TMEM74: variants seen among roughly 807,000 people sequenced by gnomAD.
The protein encoded by TMEM74 is transmembrane protein 74.
A neutral mutation model predicts 18.1 loss-of-function variants in TMEM74; 13 were observed. The observed-to-expected ratio is 0.72, with a 90% CI of 0.47 to 1.14. The LOEUF (loss-of-function observed/expected upper bound fraction) is 1.14. Among genes scored for constraint, TMEM74 ranks in the 50% most tolerant of loss-of-function variants. The pLI is 0.00. For missense variants in TMEM74, 372 were observed against 375.9 expected, an observed-to-expected ratio of 0.99 and a Z score of 0.09; for synonymous variants, 159 against 146.6, an observed-to-expected ratio of 1.08 and a Z score of -0.61.
chr8:108,616,961 T>C (rs1812389870), intron 2 of TMEM74, among the ~76,000 whole-genome samples: 3 of 151,684 alleles, frequency 2.0e-5, no homozygotes, highest in Admixed American at 2.0e-4. Context: ...ACTGACTATA[T>C]ATTTATAGTC....
rs748036409 is a variant in TMEM74, at chr8:108,784,569, C to T, written c.530G>A (p.Gly177Asp). The T allele has an allele frequency of 3.7e-6, 6 of 1,614,132 alleles. No homozygotes were observed. Among genetic ancestry groups the T allele is most frequent in the Non-Finnish European group, 1.7e-6 (2 of 1,180,030 alleles). Reference protein sequence around the residue: ...ATSSGKSIDYGFISAILFLVT... With the variant: ...ATSSGKSIDYDFISAILFLVT... ...CAAGAACAAGATGGCGCTGATGAAA[C>T]CATAGTCTATAGACTTCCCTGAAGA... Residue 177 changes from glycine (G) to aspartate (D), a missense_variant, in exon 2 of 2, where the codon GGT (glycine) becomes GAT (aspartate). Coordinates refer to ENST00000297459, the MANE Select transcript of TMEM74 (RefSeq NM_153015.3).
At chr8:108,627,219 C>T (rs1344951464) in intron 2 of TMEM74, among the ~76,000 whole-genome samples, 2 of 151,960 alleles carry the variant, frequency 1.3e-5, no homozygotes, top group East Asian at 3.9e-4. Context: ...ATTGACCTCC[C>T]TCCTCCCACA....
intron 2 of TMEM74, among the ~76,000 whole-genome samples, chr8:108,618,433 G>C (rs201425661): frequency 6.6e-6 from 1 of 152,054 alleles, no homozygotes; most frequent in Non-Finnish European, 1.5e-5. Context: ...TTATTCCTCT[G>C]GTTCTCAGTT....
At position 108,756,650 on chromosome 8, in the gene TMEM74, G is replaced by GGA. The variant is rs1554577393; in HGVS notation, n.119+30825_119+30826insTC. Reference sequence around the variant, plus strand: ...AGGAAGGAAGGAAGGAAGAAAGAAAGAGAAAGAAAGAAAGAAAGAAAGAAA... The same window carrying GGA: ...AGGAAGGAAGGAAGGAAGAAAGAAAGGAAGAAAGAAAGAAAGAAAGAAAGAAA... On this transcript the variant is annotated intron_variant and non_coding_transcript_variant, in intron 1 of 3. Transcript: ENST00000518838. 3.0e-3 allele frequency among the ~76,000 whole-genome samples: 80 copies of GGA among 27,078 alleles called. 1 individual carries two copies. The highest frequency in any genetic ancestry group is 4.1e-3 in the African/African-American group (27 of 6,602). 17.8% of individuals were successfully genotyped at this position (27,078 alleles called of 152,430 possible). A position where few individuals can be genotyped will look rare whatever the true frequency, so the allele number is the denominator to read the frequency against.
At chr8:108,719,547 G>T (rs1158400044) in intron 1 of TMEM74, among the ~76,000 whole-genome samples, 2 of 152,024 alleles carry the variant, frequency 1.3e-5, no homozygotes, top group Non-Finnish European at 2.9e-5. Flanking sequence ...TTTTTCAGAT[G>T]TTTTTATTTC....
intron 1 of TMEM74, among the ~76,000 whole-genome samples, chr8:108,667,066 A>G (rs973874511): frequency 1.3e-5 from 2 of 152,140 alleles, no homozygotes; most frequent in Non-Finnish European, 2.9e-5. Context: ...GAGAGGTCTA[A>G]TTTCCCAACA....
chr8:108,714,105 C>G (rs1011192424), intron 1 of TMEM74, among the ~76,000 whole-genome samples: 1 of 152,198 alleles, frequency 6.6e-6, no homozygotes, highest in African/African-American at 2.4e-5. Context: ...CTGGTCCCCT[C>G]AGACTCACAT....
chr8:108,740,220 T>A (rs1224083831), intron 1 of TMEM74, among the ~76,000 whole-genome samples: 1 of 152,170 alleles, frequency 6.6e-6, no homozygotes, highest in Admixed American at 6.5e-5. Context: ...ACTCAGCTTT[T>A]TCCCAACAGT....
intron 2 of TMEM74, among the ~76,000 whole-genome samples, chr8:108,635,519 G>T (rs1812598541): frequency 1.3e-5 from 2 of 152,004 alleles, no homozygotes. Context: ...TATAGAAAAG[G>T]TCTTCAAATT....
intron 2 of TMEM74, among the ~76,000 whole-genome samples, chr8:108,634,139 C>T (rs1289798098): frequency 2.0e-5 from 3 of 151,812 alleles, no homozygotes; most frequent in Non-Finnish European, 4.4e-5. Context: ...ACAAAGCAGT[C>T]ACCTGGAGTG....
At chr8:108,657,756 T>C (rs1812849021) in intron 1 of TMEM74, among the ~76,000 whole-genome samples, 2 of 146,202 alleles carry the variant, frequency 1.4e-5, no homozygotes, top group African/African-American at 2.5e-5. Context: ...GGCAGGAGAA[T>C]AGCTTGAACC....
At chr8:108,617,066 G>A (rs1271006549) in intron 2 of TMEM74, among the ~76,000 whole-genome samples, 2 of 151,588 alleles carry the variant, frequency 1.3e-5, no homozygotes, top group Non-Finnish European at 2.9e-5. Flanking sequence ...ATCTATTCTC[G>A]GCATCTTGGA....
chr8:108,698,439 T>C (rs1813302563), intron 1 of TMEM74, among the ~76,000 whole-genome samples: 1 of 152,236 alleles, frequency 6.6e-6, no homozygotes, highest in African/African-American at 2.4e-5. Flanking sequence ...TTTCCTCAGC[T>C]GTAGAATGGA....
At chr8:108,740,730 T>A (rs904429014) in intron 1 of TMEM74, among the ~76,000 whole-genome samples, 5 of 152,218 alleles carry the variant, frequency 3.3e-5, no homozygotes, top group Admixed American at 6.5e-5. Context: ...CAGAAGGCTC[T>A]CGCTGCTGGG....
At chr8:108,717,112 G>T (rs970678168) in intron 1 of TMEM74, among the ~76,000 whole-genome samples, 2 of 151,598 alleles carry the variant, frequency 1.3e-5, no homozygotes, top group African/African-American at 4.8e-5. Flanking sequence ...CTGACAAAAT[G>T]AGCACAAAAA....
intron 1 of TMEM74, among the ~76,000 whole-genome samples, chr8:108,690,313 T>G (rs184438213): frequency 6.6e-6 from 1 of 152,314 alleles, no homozygotes; most frequent in East Asian, 1.9e-4. Flanking sequence ...TTAAAAAATT[T>G]ATCACTAAAG....
rs116562811 is a variant in TMEM74, at chr8:108,707,433, C to T, written n.120-51996G>A. ...AAATCACATTCTAAAAAACCAAACA[C>T]GCCAAAATTTTAGCAGTTGTTTTAA... On this transcript the variant is annotated intron_variant and non_coding_transcript_variant, in intron 1 of 3. Transcript: ENST00000518838. Among the ~76,000 whole-genome samples the T allele has an allele frequency of 5.1e-3, 769 of 152,158 alleles. 9 individuals are homozygous for T. The highest frequency in any genetic ancestry group is 0.018 in the African/African-American group (741 of 41,524).
intron 1 of TMEM74, among the ~76,000 whole-genome samples, chr8:108,686,035 T>C (rs1267906097): frequency 6.6e-6 from 1 of 152,142 alleles, no homozygotes; most frequent in East Asian, 1.9e-4. Flanking sequence ...TAAATAAATG[T>C]ATAAATTAAA....
chr8:108,682,635 A>G (rs912618967), intron 1 of TMEM74, among the ~76,000 whole-genome samples: 1 of 152,060 alleles, frequency 6.6e-6, no homozygotes, highest in African/African-American at 2.4e-5. Context: ...GTAGAGTTAG[A>G]CTAAAAGATT....
Sources: gnomAD v4.1 joint callset for allele counts (sites outside exome capture counted in the v4.1 genomes callset) on GRCh38, gnomAD v4.1.1 for gene constraint, MANE v1.5 for transcripts, NCBI Gene and HGNC (gene_info 2026-07-23, HGNC 2026-07-21) for gene names.